CLVS1: variants seen among roughly 807,000 people sequenced by gnomAD.
CLVS1 encodes clavesin 1, also known as clavesin-1.
Under a neutral mutation model 33.1 loss-of-function variants are expected in CLVS1, and 10 were observed. The observed-to-expected ratio is 0.30, with a 90% CI of 0.19 to 0.51. The LOEUF (loss-of-function observed/expected upper bound fraction) is 0.51. CLVS1 is among the 20% of genes least tolerant of loss of function. CLVS1 has a pLI of 0.97. For missense variants in CLVS1, 343 were observed against 433.4 expected (o/e 0.79, Z 1.85); for synonymous variants, 163 against 166.1 (o/e 0.98, Z 0.14).
At chr8:61,140,956 CCT>C (rs1806297609) in intron 2 of CLVS1, among the ~76,000 whole-genome samples, 1 of 152,146 alleles carries the variant, frequency 6.6e-6, no homozygotes, top group Non-Finnish European at 1.5e-5. Context: ...GAGTCAGGCA[CCT>C]CTCTCCTTGT....
chr8:61,416,682 C>T (rs899001539), intron 3 of CLVS1, among the ~76,000 whole-genome samples: 2 of 152,198 alleles, frequency 1.3e-5, no homozygotes, highest in African/African-American at 2.4e-5. Context: ...TTGGACAAAA[C>T]ATGTGCAATC....
intron 2 of CLVS1, among the ~76,000 whole-genome samples, chr8:61,319,051 A>G (rs1811107525): frequency 6.6e-6 from 1 of 152,164 alleles, no homozygotes; most frequent in East Asian, 1.9e-4. Flanking sequence ...TTAAACATAC[A>G]TATTTTAAAT....
chr8:61,225,519 A>G (rs1043947370), intron 2 of CLVS1, among the ~76,000 whole-genome samples: 1 of 152,144 alleles, frequency 6.6e-6, no homozygotes, highest in African/African-American at 2.4e-5. Context: ...AGATTTGAAA[A>G]TGAGATTTTT....
At chr8:61,102,942 G>A (rs1018101833) in intron 1 of CLVS1, among the ~76,000 whole-genome samples, 1 of 152,226 alleles carries the variant, frequency 6.6e-6, no homozygotes, top group African/African-American at 2.4e-5. Context: ...AGTGACAGGA[G>A]TGAAGCTGTT....
chr8:61,246,468 C>T (rs1452785017), intron 2 of CLVS1, among the ~76,000 whole-genome samples: 3 of 151,618 alleles, frequency 2.0e-5, no homozygotes, highest in Admixed American at 6.6e-5. Context: ...CTGCACCAGG[C>T]CTTCCTTCCC....
intron 1 of CLVS1, among the ~76,000 whole-genome samples, chr8:61,293,605 G>A (rs1320086707): frequency 6.6e-6 from 1 of 152,136 alleles, no homozygotes; most frequent in African/African-American, 2.4e-5. Flanking sequence ...TATATCAGCA[G>A]CATCTATTTT....
At chr8:61,165,518 C>T (rs903289629) in intron 2 of CLVS1, among the ~76,000 whole-genome samples, 14 of 152,098 alleles carry the variant, frequency 9.2e-5, no homozygotes, top group African/African-American at 2.2e-4. Context: ...TTAGTGAGCT[C>T]TCTGATTGGT....
intron 3 of CLVS1, among the ~76,000 whole-genome samples, chr8:61,448,301 A>C (rs1026721161): frequency 6.6e-6 from 1 of 152,062 alleles, no homozygotes; most frequent in Non-Finnish European, 1.5e-5. Context: ...AAATTATGGA[A>C]GTTTTCAGCC....
chr8:61,371,453 G>C (rs1220042328), intron 2 of CLVS1, among the ~76,000 whole-genome samples: 1 of 152,050 alleles, frequency 6.6e-6, no homozygotes, highest in African/African-American at 2.4e-5. Flanking sequence ...GTCTGTAATA[G>C]ATGTCTTGCT....
At chr8:61,087,317 G>A (rs35396043) in intron 1 of CLVS1, among the ~76,000 whole-genome samples, 20,241 of 152,204 alleles carry the variant, frequency 0.13, 1,584 homozygotes, top group South Asian at 0.3. Context: ...AATGCATGGC[G>A]TACCACATGG....
chr8:61,472,270 T>C (rs1453051407), intron 5 of CLVS1, among the ~76,000 whole-genome samples: 1 of 152,200 alleles, frequency 6.6e-6, no homozygotes, highest in African/African-American at 2.4e-5. Flanking sequence ...ATGATGCTCT[T>C]TTATTTGCCA....
At chr8:61,382,199 A>G (rs1227222852) in intron 3 of CLVS1, among the ~76,000 whole-genome samples, 4 of 152,186 alleles carry the variant, frequency 2.6e-5, no homozygotes, top group Admixed American at 6.5e-5. Context: ...TCAATGATTG[A>G]TCATATTGTG....
At chr8:61,354,309 A>G (rs1048363317) in intron 2 of CLVS1, among the ~76,000 whole-genome samples, 2 of 152,050 alleles carry the variant, frequency 1.3e-5, no homozygotes. Flanking sequence ...ATAATAGCAG[A>G]AACACCAACT....
intron 2 of CLVS1, among the ~76,000 whole-genome samples, chr8:61,240,611 A>C (rs1808678200): frequency 6.6e-6 from 1 of 152,224 alleles, no homozygotes; most frequent in Non-Finnish European, 1.5e-5. Flanking sequence ...CAGTGCCTAC[A>C]TTCACCTTAA....
At chr8:61,079,316 TG>T (rs1804980854) in intron 1 of CLVS1, among the ~76,000 whole-genome samples, 2 of 152,222 alleles carry the variant, frequency 1.3e-5, no homozygotes, top group Non-Finnish European at 2.9e-5. Context: ...GGGAGGCCCG[TG>T]TGATTTCTTT....
At chr8:61,426,724 CA>C (rs1815908590) in intron 3 of CLVS1, among the ~76,000 whole-genome samples, 2 of 152,174 alleles carry the variant, frequency 1.3e-5, no homozygotes, top group South Asian at 4.1e-4. Context: ...TTGAAGACAG[CA>C]ACCCTCTTCT....
At chr8:61,309,634 T>A (rs1810764974) in intron 2 of CLVS1, among the ~76,000 whole-genome samples, 3 of 152,220 alleles carry the variant, frequency 2.0e-5, no homozygotes, top group Admixed American at 2.0e-4. Flanking sequence ...GGTGTTCAGC[T>A]GTTTCTTGTC....
At chr8:61,397,037 C>T (rs1175419182) in intron 3 of CLVS1, among the ~76,000 whole-genome samples, 2 of 152,024 alleles carry the variant, frequency 1.3e-5, no homozygotes, top group Non-Finnish European at 2.9e-5. Context: ...TTTCATTTTG[C>T]TTGGTTATAT....
At chr8:61,108,963 A>G (rs1356895584) in intron 1 of CLVS1, among the ~76,000 whole-genome samples, 1 of 152,226 alleles carries the variant, frequency 6.6e-6, no homozygotes, top group South Asian at 2.1e-4. Flanking sequence ...TTACTTGGCC[A>G]GATGCCAGAT....
Sources: allele counts gnomAD v4.1 joint callset (sites outside exome capture counted in the v4.1 genomes callset), GRCh38; gene constraint gnomAD v4.1.1; transcripts MANE v1.5; gene names NCBI Gene and HGNC (gene_info 2026-07-23, HGNC 2026-07-21).